APP: variants seen among roughly 807,000 people sequenced by gnomAD.
APP encodes the protein amyloid-beta precursor protein.
A neutral mutation model predicts 101.4 loss-of-function variants in APP; 31 were observed. The ratio of observed to expected loss-of-function variants is 0.31; its 90% confidence interval spans 0.23 to 0.41. APP has a LOEUF of 0.41. Ranked by LOEUF, APP falls within the 10% of genes least tolerant of loss-of-function variation. The pLI, the probability that APP is intolerant of heterozygous loss-of-function variation, is 1.00. For missense variants in APP, 839 were observed against 1,003.7 expected (o/e 0.84, Z 2.22); for synonymous variants, 366 against 364.4 (o/e 1.00, Z -0.05).
chr21:25,905,466 C>T (rs2038740406), intron 14 of APP, among the ~76,000 whole-genome samples: 2 of 152,316 alleles, frequency 1.3e-5, no homozygotes, highest in Middle Eastern at 3.4e-3. Flanking sequence ...CTTCCTTTTA[C>T]AACTGCCCAA....
At chr21:25,995,728 G>GTA (rs2043028675) in intron 8 of APP, among the ~76,000 whole-genome samples, 1 of 152,164 alleles carries the variant, frequency 6.6e-6, no homozygotes, top group African/African-American at 2.4e-5. Context: ...AGAGAAAAAT[G>GTA]CTTTTTTCAC....
chr21:25,982,208 C>G (rs1014030649), intron 9 of APP, 136 bp downstream of exon 9: 2 of 1,008,852 alleles, frequency 2.0e-6, no homozygotes, highest in Non-Finnish European at 1.5e-6. Flanking sequence ...TGTGCCCACA[C>G]AGTAAACATT....
intron 1 of APP, among the ~76,000 whole-genome samples, chr21:26,120,265 C>G (rs1247014792): frequency 6.6e-6 from 1 of 152,120 alleles, no homozygotes; most frequent in Non-Finnish European, 1.5e-5. Context: ...AAGGTAGAAA[C>G]TTTCTCAAGT....
At chr21:26,055,033 T>A (rs2045984908) in intron 3 of APP, among the ~76,000 whole-genome samples, 1 of 152,106 alleles carries the variant, frequency 6.6e-6, no homozygotes, top group Admixed American at 6.5e-5. Flanking sequence ...TCTAAGCAAA[T>A]CATAGGGGAG....
intron 13 of APP, among the ~76,000 whole-genome samples, chr21:25,954,241 T>C (rs941116149): frequency 6.6e-6 from 1 of 152,122 alleles, no homozygotes; most frequent in Non-Finnish European, 1.5e-5. Context: ...GAAGAATGAG[T>C]TTTTTTCCCC....
intron 5 of APP, among the ~76,000 whole-genome samples, chr21:26,037,272 T>C (rs2045159037): frequency 6.6e-6 from 1 of 152,116 alleles, no homozygotes; most frequent in African/African-American, 2.4e-5. Flanking sequence ...AAATTACAGC[T>C]AGATAAGAGG....
chr21:25,931,615 C>A (rs1201582276), intron 13 of APP, among the ~76,000 whole-genome samples: 1 of 152,104 alleles, frequency 6.6e-6, no homozygotes, highest in African/African-American at 2.4e-5. Context: ...AGGATGCACA[C>A]AAGAGTGATA....
chr21:25,881,798 A>C (rs200741438), intron 17 of APP, 27 bp from the exon 18 acceptor site: 220 of 1,600,730 alleles, frequency 1.4e-4, no homozygotes, highest in South Asian at 5.5e-4. Flanking sequence ...GAGCTGAGTA[A>C]AAAATAAAAA....
intron 13 of APP, among the ~76,000 whole-genome samples, chr21:25,948,857 G>A (rs2040943752): frequency 6.6e-6 from 1 of 151,968 alleles, no homozygotes; most frequent in Non-Finnish European, 1.5e-5. Context: ...CAAAGCAAAG[G>A]TTGAAAGGAT....
At chr21:26,055,606 A>C (rs561175490) in intron 3 of APP, among the ~76,000 whole-genome samples, 43 of 152,286 alleles carry the variant, frequency 2.8e-4, no homozygotes, top group Middle Eastern at 3.4e-3. Context: ...GAGGCATCCC[A>C]ATTTTCTAGG....
At chr21:26,055,040 G>C (rs2045985240) in intron 3 of APP, among the ~76,000 whole-genome samples, 1 of 152,094 alleles carries the variant, frequency 6.6e-6, no homozygotes, top group Non-Finnish European at 1.5e-5. Flanking sequence ...AAATCATAGG[G>C]GAGAATAAGC....
Position 26,103,598 on chromosome 21 carries a change from C to CA in APP, c.225+8380dup, listed in dbSNP as rs200035420. On this transcript the variant is annotated intron_variant, in intron 2 of 17. Transcript: ENST00000346798. ...CCTGGGCGATGGAGTGAGATCCCGT[C>CA]AAAAAAAAGAAAAAGAAAAAAAAGA... Among the ~76,000 whole-genome samples the CA allele has an allele frequency of 5.6e-3, 833 of 150,064 alleles. 34 individuals are homozygous for CA. Among genetic ancestry groups the CA allele is most frequent in the Admixed American group, 0.047 (712 of 15,086 alleles).
Position 26,051,197 on chromosome 21 carries a change from C to A in APP, c.469-4G>T. 6.2e-7 allele frequency: 1 copy of A among 1,612,338 alleles called. No individual in the cohort carries two copies. ...TGGTACTCTTCTCACTGCATGTCTA[C>A]AAAGTGTAAGGAGAAAACAGTGAGT... On this transcript the variant is annotated splice_polypyrimidine_tract_variant and splice_region_variant and intron_variant, in intron 4 of 17. Transcript: ENST00000346798.
chr21:25,909,694 G>A (rs1015213909), intron 14 of APP, among the ~76,000 whole-genome samples: 14 of 152,302 alleles, frequency 9.2e-5, no homozygotes, highest in Admixed American at 1.3e-4. Flanking sequence ...TTTACAAAAT[G>A]AGATCGGACA....
rs1201388255 is a variant in APP at position 25,897,553 on chromosome 21, A to T, written c.2064+20T>A. 3 of 1,562,186 alleles carry T rather than the reference A, an allele frequency of 1.9e-6. No homozygotes were observed. Among genetic ancestry groups the T allele is most frequent in the Non-Finnish European group, 2.6e-6 (3 of 1,132,858 alleles). On this transcript the variant is annotated intron_variant, in intron 16 of 17. Coordinates refer to ENST00000346798, the MANE Select transcript of APP (RefSeq NM_000484.4). Reference sequence around the variant, plus strand: ...TGGCAAGACAAACAGTAGTGGAAAGAGGTAAATTATTTTACGTACCAATTT... The same window carrying T: ...TGGCAAGACAAACAGTAGTGGAAAGTGGTAAATTATTTTACGTACCAATTT...
rs369562775 is a variant in APP, at chr21:25,921,216, C to T, written c.1688-9254G>A. 1.8e-3 allele frequency among the ~76,000 whole-genome samples: 216 copies of T among 117,048 alleles called. No homozygotes were observed. The East Asian group carries it at 0.027, about 14-fold the overall frequency. The allele number at this position is 117,048 out of a possible 152,430, so 76.8% of individuals were successfully genotyped here. On this transcript the variant is annotated intron_variant, in intron 13 of 17. Transcript: ENST00000346798. ...ACACAACATACCAGAATCTCTGGGA[C>T]GCATTCAAAGCAGTGTGTAGAGGGA...
chr21:25,883,123 C>T (rs543557040), intron 17 of APP, among the ~76,000 whole-genome samples: 27 of 152,322 alleles, frequency 1.8e-4, no homozygotes, highest in African/African-American at 6.3e-4. Context: ...GTCAATATGG[C>T]CGGGTGCAGT....
chr21:26,161,224 A>C (rs1201258653), intron 1 of APP, among the ~76,000 whole-genome samples: 2 of 152,350 alleles, frequency 1.3e-5, no homozygotes, highest in East Asian at 3.9e-4. Context: ...CTTGTTTTCA[A>C]CATTTAATCA....
intron 3 of APP, among the ~76,000 whole-genome samples, chr21:26,081,620 AC>A (rs1486239226): frequency 2.0e-5 from 3 of 152,190 alleles, no homozygotes; most frequent in South Asian, 2.1e-4. Context: ...CGTGCAGGTC[AC>A]AGGGGATGGT....
Sources: gnomAD v4.1 joint callset for allele counts (sites outside exome capture counted in the v4.1 genomes callset) on GRCh38, gnomAD v4.1.1 for gene constraint, MANE v1.5 for transcripts, NCBI Gene and HGNC (gene_info 2026-07-23, HGNC 2026-07-21) for gene names.